Variants in ITPR2 observed in about 807,000 individuals in gnomAD.
The protein encoded by ITPR2 is inositol 1,4,5-trisphosphate-gated calcium channel ITPR2.
In ITPR2, 207 loss-of-function variants were observed where a neutral mutation model predicts 317.1. The observed-to-expected ratio is 0.65, with a 90% CI of 0.58 to 0.73. ITPR2 has a LOEUF of 0.73. Ranked by LOEUF, ITPR2 falls within the 30% of genes least tolerant of loss-of-function variation. The probability of loss-of-function intolerance (pLI) is 0.00; values close to 1 mark genes in which losing one functional copy is unlikely to be tolerated. For synonymous variants in ITPR2, 1,156 were observed against 1,149.1 expected, an observed-to-expected ratio of 1.01 and a Z score of -0.12; for missense variants, 2,613 against 3,284.0, an observed-to-expected ratio of 0.80 and a Z score of 4.99.
chr12:26,449,983 T>G (rs1941700607), intron 45 of ITPR2, among the ~76,000 whole-genome samples: 1 of 152,150 alleles, frequency 6.6e-6, no homozygotes, highest in African/African-American at 2.4e-5. Flanking sequence ...CTTAATCCTA[T>G]GACTAGAGTC....
intron 1 of ITPR2, among the ~76,000 whole-genome samples, chr12:26,810,213 A>AC (rs1950709524): frequency 6.6e-6 from 1 of 152,212 alleles, no homozygotes; most frequent in South Asian, 2.1e-4. Context: ...CAGTAGAACT[A>AC]CCCCATTCCT....
chr12:26,680,018 G>A (rs2136957799), intron 13 of ITPR2, among the ~76,000 whole-genome samples: 1 of 152,092 alleles, frequency 6.6e-6, no homozygotes, highest in Non-Finnish European at 1.5e-5. Context: ...ATGACTTGTG[G>A]ATGATGATTT....
intron 34 of ITPR2, among the ~76,000 whole-genome samples, chr12:26,567,960 AT>A (rs1305893447): frequency 2.1e-4 from 2 of 9,720 alleles, no homozygotes; most frequent in Non-Finnish European, 9.9e-4. Flanking sequence ...TTATATATAT[AT>A]ATATATATTA....
intron 47 of ITPR2, among the ~76,000 whole-genome samples, chr12:26,437,005 C>T (rs185622860): frequency 2.0e-5 from 3 of 152,320 alleles, no homozygotes; most frequent in Admixed American, 2.0e-4. Context: ...CGCTTTGCTG[C>T]ATATATTCAA....
intron 48 of ITPR2, among the ~76,000 whole-genome samples, chr12:26,435,665 A>C (rs1941333255): frequency 6.6e-6 from 1 of 152,162 alleles, no homozygotes; most frequent in Non-Finnish European, 1.5e-5. Flanking sequence ...TAGTTTAATA[A>C]TAGTTTCATA....
intron 26 of ITPR2, among the ~76,000 whole-genome samples, chr12:26,613,156 A>C (rs929178563): frequency 2.0e-5 from 3 of 152,246 alleles, no homozygotes; most frequent in African/African-American, 7.2e-5. Context: ...GCAAGTTAGC[A>C]TGAAAACAAC....
intron 51 of ITPR2, among the ~76,000 whole-genome samples, chr12:26,413,121 C>A (rs1940603169): frequency 1.3e-5 from 2 of 152,198 alleles, no homozygotes; most frequent in Admixed American, 1.3e-4. Flanking sequence ...CTCAACAGAT[C>A]CTTCTCTCTA....
chr12:26,533,299 T>C (rs1943994543), intron 37 of ITPR2, among the ~76,000 whole-genome samples: 2 of 152,220 alleles, frequency 1.3e-5, no homozygotes, highest in South Asian at 2.1e-4. Context: ...TAACCTAAGA[T>C]AGGAAACAAG....
intron 15 of ITPR2, 82 bp from the exon 16 acceptor site, chr12:26,659,367 A>G (rs1947445848): frequency 4.1e-6 from 5 of 1,210,088 alleles, no homozygotes; most frequent in Non-Finnish European, 5.9e-6. Flanking sequence ...AACATTGATT[A>G]ATTTATTCAC....
chr12:26,630,609 G>A (rs1385949124), intron 22 of ITPR2: 1 of 152,202 alleles, frequency 6.6e-6, no homozygotes, highest in African/African-American at 2.4e-5. Context: ...GCACGGTGGA[G>A]CCGGCCCAGA....
intron 1 of ITPR2, among the ~76,000 whole-genome samples, chr12:26,791,256 T>G (rs1260875183): frequency 6.6e-6 from 1 of 152,302 alleles, no homozygotes; most frequent in Non-Finnish European, 1.5e-5. Context: ...ATTTCTCCAT[T>G]GGTTACGTGG....
At chr12:26,339,622 AT>A (rs34679762) in intron 56 of ITPR2, 139 bp from the exon 57 acceptor site, 2 of 616,728 alleles carry the variant, frequency 3.2e-6, no homozygotes, top group Non-Finnish European at 5.7e-6. Context: ...CAAAAAAGGG[AT>A]TTTTTTAAAA....
Position 26,415,508 on chromosome 12 carries a change from TAAAG to T in ITPR2, c.7111-14_7111-11del, listed in dbSNP as rs1565514137. 1 of 1,508,974 alleles carries T rather than the reference TAAAG, an allele frequency of 6.6e-7. No homozygotes were observed. The allele number at this position is 1,508,974 out of a possible 1,614,324, so 93.5% of individuals were successfully genotyped here. ...ACACCAAATCAAAAAGCTACAAAGA[TAAAG>T]AAAACACTAATAAGAAAAGAAGGCA... On this transcript the variant is annotated splice_polypyrimidine_tract_variant and intron_variant, in intron 50 of 56. Transcript: ENST00000381340.
In ITPR2 at chr12:26,339,469, C is replaced by T. The variant is rs754386740; in HGVS notation, c.8034G>A (p.Arg2678=). The T allele has an allele frequency of 1.2e-6, 2 of 1,613,740 alleles. No individual in the cohort carries two copies. The highest frequency in any genetic ancestry group is 8.5e-7 in the Non-Finnish European group (1 of 1,179,780). ...AELKEQMTEQ[R]KNKQRLGFLG... ...GGAAGCCCAGTCTCTGCTTATTCTT[C>T]CTTTGTTCTGTCATCTGGGGGAAAA... is the stretch of plus-strand genomic sequence containing the variant. Residue 2678 remains arginine, a synonymous_variant, in exon 57 of 57, where the codon AGG becomes AGA. Transcript: ENST00000381340.
At chr12:26,398,057 GGTGT>G (rs35660888) in intron 54 of ITPR2, among the ~76,000 whole-genome samples, 13,072 of 134,984 alleles carry the variant, frequency 0.097, 577 homozygotes, top group South Asian at 0.21. Context: ...GGAGGGGAGT[GGTGT>G]GTGTGTGTGT....
In ITPR2 at chr12:26,400,148, G is replaced by C; in HGVS notation, c.7510C>G (p.Leu2504Val). 2 of 1,610,942 alleles carry C rather than the reference G, an allele frequency of 1.2e-6. No individual in the cohort carries two copies. Among genetic ancestry groups the C allele is most frequent in the Non-Finnish European group, 1.7e-6 (2 of 1,178,140 alleles). The change falls in exon 53 of 57, where the codon CTA (leucine) becomes GTA (valine). Residue 2504 changes from leucine (L) to valine (V), a missense_variant. Physicochemically the swap from Leu to Val is conservative, Grantham distance 32 (BLOSUM62 1). Coordinates refer to ENST00000381340, the MANE Select transcript of ITPR2 (RefSeq NM_002223.4). The stretch of plus-strand genomic sequence containing the variant: ...CTTACATCTTTCGATGGCCTTCTTA[G>C]CACATCCCCCACACCACCGCCATTC... ...LRNGGGVGDV[L>V]RRPSKDEPLF...
chr12:26,722,067 T>A (rs1044880508), intron 5 of ITPR2, among the ~76,000 whole-genome samples: 3 of 152,276 alleles, frequency 2.0e-5, no homozygotes, highest in Admixed American at 2.0e-4. Flanking sequence ...TAAACACAGC[T>A]CTTTTTCCTT....
chr12:26,630,502 T>G (rs1271766354), intron 22 of ITPR2: 1 of 150,966 alleles, frequency 6.6e-6, no homozygotes, highest in East Asian at 1.9e-4. Context: ...GCACAGGACC[T>G]TGAAGTCCTT....
At position 26,595,462 on chromosome 12, in the gene ITPR2, T is replaced by C. The variant is rs747483148; in HGVS notation, c.4380+3A>G. The C allele has an allele frequency of 3.1e-6, 5 of 1,605,614 alleles. No homozygotes were observed. Among genetic ancestry groups the C allele is most frequent in the Non-Finnish European group, 4.2e-6 (5 of 1,177,916 alleles). On this transcript the variant is annotated splice_donor_region_variant and intron_variant, in intron 32 of 56. Coordinates refer to ENST00000381340, the MANE Select transcript of ITPR2 (RefSeq NM_002223.4). ...ACCCTTCAGTAGTCAAAATCTAACT[T>C]ACCCTTGCCATATCCACCAAGAAGT...
Sources: gnomAD v4.1 joint callset for allele counts (sites outside exome capture counted in the v4.1 genomes callset) on GRCh38, gnomAD v4.1.1 for gene constraint, MANE v1.5 for transcripts, NCBI Gene and HGNC (gene_info 2026-07-23, HGNC 2026-07-21) for gene names.